Variants in OVOL2 observed in about 807,000 individuals in gnomAD.
OVOL2 encodes the protein transcription factor Ovo-like 2.
Under a neutral mutation model 18.1 loss-of-function variants are expected in OVOL2, and 13 were observed. That is an observed-to-expected ratio of 0.72 (90% CI 0.47 to 1.14). OVOL2 has a LOEUF of 1.14. Ranked by LOEUF, OVOL2 falls within the 50% of genes most tolerant of loss-of-function variation. The pLI is 0.00. For missense variants in OVOL2, 335 were observed against 383.0 expected (o/e 0.87, Z 1.05); for synonymous variants, 166 against 162.7 (o/e 1.02, Z -0.16).
At chr20:18,040,329 G>T (rs1224005016) in intron 3 of OVOL2, among the ~76,000 whole-genome samples, 1 of 152,158 alleles carries the variant, frequency 6.6e-6, no homozygotes, top group Non-Finnish European at 1.5e-5. Flanking sequence ...ATGGGTTGGA[G>T]TGAGATGGGC....
rs1261903680 is a variant in OVOL2, at chr20:18,056,634, CG to C, written c.321+22del. ...CGCCAGGGCGTGGTGCAGGTGGCGG[CG>C]GGGGCAGAGTCGACACAGTACCTTG... On this transcript the variant is annotated intron_variant, in intron 2 of 3. Coordinates refer to ENST00000278780, the MANE Select transcript of OVOL2 (RefSeq NM_021220.4). The surrounding 1 kb of genome is among the most constrained non-coding windows in gnomAD (Gnocchi z 4.2). 4 of 1,378,548 alleles carry C rather than the reference CG, an allele frequency of 2.9e-6. No individual in the cohort carries two copies. Among genetic ancestry groups the C allele is most frequent in the Middle Eastern group, 1.9e-4 (1 of 5,146 alleles). 85.4% of individuals were successfully genotyped at this position (1,378,548 alleles called of 1,614,324 possible).
At position 18,054,782 on chromosome 20, in the gene OVOL2, A is replaced by G. The variant is rs202160711; in HGVS notation, c.321+1875T>C. ...ACTCCATCTCAAAAAAAAAAAAAAA[A>G]GAAAGAAAAGAAAAGAAAAGAAAAG... On this transcript the variant is annotated intron_variant, in intron 2 of 3. Transcript: ENST00000278780. 4.4e-4 allele frequency among the ~76,000 whole-genome samples: 54 copies of G among 123,190 alleles called. 1 individual carries two copies. The highest frequency in any genetic ancestry group is 2.8e-3 in the East Asian group (11 of 3,952). The allele number at this position is 123,190 out of a possible 152,430, so 80.8% of individuals were successfully genotyped here.
chr20:18,056,691 G>C lies in OVOL2; in HGVS notation c.287C>G (p.Thr96Ser). The change falls in exon 2 of 4, where the codon ACC (threonine) becomes AGC (serine). Residue 96 changes from threonine to serine, a missense_variant. By Grantham distance (58) the Thr-to-Ser change is moderately conservative. Coordinates refer to ENST00000278780, the MANE Select transcript of OVOL2 (RefSeq NM_021220.4). The surrounding 1 kb of genome is among the most constrained non-coding windows in gnomAD (Gnocchi z 4.2). ...CGATCTGGCGACCGGGCGCTGCTTG[G>C]TCGCCAGGTGTCCATCGGGGCCCTC... ...DAEGPDGHLA[T>S]KQRPVARSKI... 1 of 1,444,858 alleles carries C rather than the reference G, an allele frequency of 6.9e-7. No individual in the cohort carries two copies. The highest frequency in any genetic ancestry group is 1.5e-5 in the South Asian group (1 of 67,510). The allele number at this position is 1,444,858 out of a possible 1,614,324, so 89.5% of individuals were successfully genotyped here.
At chr20:18,037,620 T>G (rs1017598263) in intron 3 of OVOL2, among the ~76,000 whole-genome samples, 1 of 152,182 alleles carries the variant, frequency 6.6e-6, no homozygotes, top group Admixed American at 6.5e-5. Flanking sequence ...TGCCTAAGGA[T>G]GCTCTCCAGG....
chr20:18,053,127 C>T (rs983180507), intron 2 of OVOL2, among the ~76,000 whole-genome samples: 5 of 152,198 alleles, frequency 3.3e-5, no homozygotes, highest in Admixed American at 2.0e-4. Context: ...ATCTGCACCT[C>T]GGACTCCTTT....
chr20:18,036,590 T>C (rs76450671), intron 3 of OVOL2, among the ~76,000 whole-genome samples: 1 of 152,014 alleles, frequency 6.6e-6, no homozygotes, highest in Non-Finnish European at 1.5e-5. Context: ...GATTTTCAGC[T>C]CCCTCACAGG....
chr20:18,040,381 G>T (rs2149475), intron 3 of OVOL2, among the ~76,000 whole-genome samples: 37,986 of 151,744 alleles, frequency 0.25, 6,242 homozygotes, highest in African/African-American at 0.47. Flanking sequence ...GGGATAGGAC[G>T]TGATGGGCTG....
At chr20:18,029,321 G>A (rs1320154829) in intron 3 of OVOL2, among the ~76,000 whole-genome samples, 7 of 152,068 alleles carry the variant, frequency 4.6e-5, no homozygotes, top group Admixed American at 3.9e-4. Flanking sequence ...GAGCCACCAC[G>A]CCCGGCCTAC....
chr20:18,057,550 C>A lies in OVOL2; in HGVS notation c.85G>T (p.Asp29Tyr). The A allele has an allele frequency of 6.3e-7, 1 of 1,587,022 alleles. No individual in the cohort carries two copies. Among genetic ancestry groups the A allele is most frequent in the East Asian group, 2.3e-5 (1 of 43,186 alleles). Reference sequence around the variant, plus strand: ...GCGCGCTCACCTGGGATGTAGGTGTCTGCCCTTTTCTCATCCGGGAGCTCA... The same window carrying A: ...GCGCGCTCACCTGGGATGTAGGTGTATGCCCTTTTCTCATCCGGGAGCTCA... ...WDELPDEKRA[D>Y]TYIPVGLGRL... The change falls in exon 1 of 4, where the codon GAC (aspartate) becomes TAC (tyrosine). Residue 29 changes from aspartate to tyrosine, a missense_variant. Asp to Tyr is a radical substitution (Grantham distance 160). Transcript: ENST00000278780. The surrounding 1 kb of genome is among the most constrained non-coding windows in gnomAD (Gnocchi z 6.3).
rs184901814 is a variant in OVOL2 at position 18,051,445 on chromosome 20, C to T, written c.321+5212G>A. Among the ~76,000 whole-genome samples the T allele has an allele frequency of 2.0e-5, 3 of 152,118 alleles. No individual in the cohort carries two copies. The East Asian group carries it at 5.8e-4, about 29-fold the overall frequency. ...AACAGAGGACAGAATTAGATTATTG[C>T]TGTTTTAGAACACCTAATAAGCCAA... On this transcript the variant is annotated intron_variant, in intron 2 of 3. Transcript: ENST00000278780.
At position 18,057,546 on chromosome 20, in the gene OVOL2, G is replaced by A. The variant is rs1346152911; in HGVS notation, c.89C>T (p.Thr30Ile). Residue 30 changes from threonine to isoleucine, a missense_variant, in exon 1 of 4, where the codon ACC becomes ATC. By Grantham distance (89) the Thr-to-Ile change is moderately conservative. Transcript: ENST00000278780. This position sits in a 1 kb window ranked among gnomAD's most constrained non-coding sequence, Gnocchi z 6.3. Reference sequence around the variant, plus strand: ...CCGCGCGCGCTCACCTGGGATGTAGGTGTCTGCCCTTTTCTCATCCGGGAG... The same window carrying A: ...CCGCGCGCGCTCACCTGGGATGTAGATGTCTGCCCTTTTCTCATCCGGGAG... ...DELPDEKRADTYIPVGLGRLL... is the reference protein window; with the variant it reads ...DELPDEKRADIYIPVGLGRLL... 12 of 1,584,554 alleles carry A rather than the reference G, an allele frequency of 7.6e-6. No homozygotes were observed. Among genetic ancestry groups the A allele is most frequent in the Non-Finnish European group, 9.4e-6 (11 of 1,165,108 alleles).
upstream of OVOL2, among the ~76,000 whole-genome samples, chr20:18,058,379 G>T (rs964942824): frequency 6.6e-6 from 1 of 150,750 alleles, no homozygotes; most frequent in Non-Finnish European, 1.5e-5. Context: ...GGGCTTAGGG[G>T]CTTAAGCTTT....
chr20:18,037,233 G>C (rs2036624401), intron 3 of OVOL2, among the ~76,000 whole-genome samples: 1 of 152,134 alleles, frequency 6.6e-6, no homozygotes, highest in African/African-American at 2.4e-5. Flanking sequence ...AGGCAAAGAG[G>C]GCAGAGAAGG....
intron 2 of OVOL2, among the ~76,000 whole-genome samples, chr20:18,053,059 G>A (rs1440795347): frequency 1.3e-5 from 2 of 152,134 alleles, no homozygotes; most frequent in Non-Finnish European, 2.9e-5. Context: ...TTCACAATCT[G>A]CCCTGAGGCA....
intron 3 of OVOL2, among the ~76,000 whole-genome samples, chr20:18,029,030 T>C (rs1245864863): frequency 7.4e-6 from 1 of 135,796 alleles, no homozygotes; most frequent in East Asian, 2.3e-4. Flanking sequence ...ACATTTTTAT[T>C]TTATTTTATT....
Position 18,041,564 on chromosome 20 carries a change from C to A in OVOL2, c.481G>T (p.Asp161Tyr). The A allele has an allele frequency of 1.9e-6, 3 of 1,613,840 alleles. No individual in the cohort carries two copies. The highest frequency in any genetic ancestry group is 1.3e-5 in the African/African-American group (1 of 74,996). The change falls in exon 3 of 4, where the codon GAC (aspartate) becomes TAC (tyrosine). Residue 161 changes from aspartate to tyrosine, a missense_variant. By Grantham distance (160) the Asp-to-Tyr change is radical. Coordinates refer to ENST00000278780, the MANE Select transcript of OVOL2 (RefSeq NM_021220.4). ...FCGKGFNDTF[D>Y]LKRHVRTHTG... is the part of the protein sequence containing the mutation. Reference sequence around the variant, plus strand: ...TGTGTGCGGACGTGCCTCTTCAGGTCGAAGGTGTCGTTGAAGCCCTTGCCG... The same window carrying A: ...TGTGTGCGGACGTGCCTCTTCAGGTAGAAGGTGTCGTTGAAGCCCTTGCCG...
At chr20:18,035,396 G>A (rs745966367) in intron 3 of OVOL2, among the ~76,000 whole-genome samples, 7 of 152,218 alleles carry the variant, frequency 4.6e-5, no homozygotes, top group Non-Finnish European at 8.8e-5. Flanking sequence ...GGCAGAGGCT[G>A]CAGTGAGCCA....
intron 2 of OVOL2, among the ~76,000 whole-genome samples, chr20:18,055,962 T>G (rs576260084): frequency 6.6e-6 from 1 of 152,164 alleles, no homozygotes; most frequent in Non-Finnish European, 1.5e-5. Context: ...TCCAGAATGT[T>G]CGAGGGGGCC....
intron 3 of OVOL2, among the ~76,000 whole-genome samples, chr20:18,033,002 G>A (rs909598026): frequency 1.3e-5 from 2 of 151,970 alleles, no homozygotes; most frequent in Admixed American, 1.3e-4. Flanking sequence ...ACAATGAAGC[G>A]AGGGTTTGTT....
Sources: allele counts gnomAD v4.1 joint callset (sites outside exome capture counted in the v4.1 genomes callset), GRCh38; gene constraint gnomAD v4.1.1; non-coding constraint Gnocchi (gnomAD v3.1); transcripts MANE v1.5; gene names NCBI Gene and HGNC (gene_info 2026-07-23, HGNC 2026-07-21).